HIPK2: variants seen among roughly 807,000 people sequenced by gnomAD.
HIPK2 encodes the protein homeodomain-interacting protein kinase 2.
Under a neutral mutation model 113.7 loss-of-function variants are expected in HIPK2, and 27 were observed. The ratio of observed to expected loss-of-function variants is 0.24; its 90% CI spans 0.17 to 0.33. The LOEUF (loss-of-function observed/expected upper bound fraction) is 0.33, where lower values mean the gene tolerates loss of function less well. Among genes scored for constraint, HIPK2 ranks in the 10% least tolerant of loss-of-function variants. The probability of loss-of-function intolerance (pLI) is 1.00; values close to 1 mark genes in which losing one functional copy is unlikely to be tolerated. For synonymous variants in HIPK2, 631 were observed against 642.2 expected, an observed-to-expected ratio of 0.98 and a Z score of 0.26; for missense variants, 1,257 against 1,588.0, an observed-to-expected ratio of 0.79 and a Z score of 3.54.
chr7:139,754,247 G>T (rs952377571), intron 1 of HIPK2, among the ~76,000 whole-genome samples: 1 of 152,186 alleles, frequency 6.6e-6, no homozygotes, highest in Non-Finnish European at 1.5e-5. Context: ...CATAAATATC[G>T]TATCTAAGTC....
chr7:139,725,107 A>G (rs1795533720), intron 1 of HIPK2, among the ~76,000 whole-genome samples: 1 of 152,240 alleles, frequency 6.6e-6, no homozygotes, highest in Non-Finnish European at 1.5e-5. Flanking sequence ...AGGAAACACA[A>G]AGACATCTAA....
At chr7:139,580,577 CT>C (rs1334393810) in intron 13 of HIPK2, among the ~76,000 whole-genome samples, 1 of 152,240 alleles carries the variant, frequency 6.6e-6, no homozygotes, top group East Asian at 1.9e-4. Flanking sequence ...TCTCCGTGAT[CT>C]CCTGTCCTGA....
chr7:139,734,933 C>T (rs1795895738), intron 1 of HIPK2, among the ~76,000 whole-genome samples: 1 of 152,090 alleles, frequency 6.6e-6, no homozygotes, highest in Admixed American at 6.5e-5. Flanking sequence ...TTTGACAAGC[C>T]GTATGATTTG....
At chr7:139,766,998 T>A (rs1368636283) in intron 1 of HIPK2, among the ~76,000 whole-genome samples, 1 of 152,204 alleles carries the variant, frequency 6.6e-6, no homozygotes, top group Non-Finnish European at 1.5e-5. Context: ...TGGATCTGCA[T>A]GTGCCTATGG....
rs1483677952 is a variant in HIPK2, at chr7:139,613,593, G to A, written c.1991-270C>T. ...GGCCAAAAGTAGGACAGATATGCTC[G>A]CAGATTACAACAGGAAAACAAGGGC... On this transcript the variant is annotated intron_variant, in intron 8 of 14. Coordinates refer to ENST00000406875, the MANE Select transcript of HIPK2 (RefSeq NM_022740.5). This position sits in a 1 kb window ranked among gnomAD's most constrained non-coding sequence, Gnocchi z 4.2. Among the ~76,000 whole-genome samples the A allele has an allele frequency of 6.6e-6, 1 of 152,196 alleles. No homozygotes were observed. Among genetic ancestry groups the A allele is most frequent in the Admixed American group, 6.5e-5 (1 of 15,288 alleles).
At chr7:139,618,876 A>C (rs1202503632) in intron 7 of HIPK2, among the ~76,000 whole-genome samples, 1 of 152,212 alleles carries the variant, frequency 6.6e-6, no homozygotes, top group African/African-American at 2.4e-5. Context: ...CAGGTGCCTC[A>C]TGAGGGCTGG....
intron 2 of HIPK2, among the ~76,000 whole-genome samples, chr7:139,636,254 T>C (rs547371465): frequency 4.7e-4 from 72 of 152,052 alleles, no homozygotes; most frequent in Non-Finnish European, 9.3e-4. Flanking sequence ...TCTCTGCTTG[T>C]GGCTTGCCCA....
In HIPK2 at chr7:139,717,034, G is replaced by T; in HGVS notation, c.20-19C>A. ...GCCATACCTACAAGGAAAGGAAAAC[G>T]AAAAGTAAGTATCGGAGTCACCTTG... On this transcript the variant is annotated intron_variant, in intron 1 of 14. Transcript: ENST00000406875. 6.3e-7 allele frequency: 1 copy of T among 1,596,698 alleles called. No homozygotes were observed. Among genetic ancestry groups the T allele is most frequent in the South Asian group, 1.1e-5 (1 of 89,232 alleles).
At chr7:139,636,574 T>C (rs763982366) in intron 2 of HIPK2, among the ~76,000 whole-genome samples, 3 of 151,836 alleles carry the variant, frequency 2.0e-5, no homozygotes, top group African/African-American at 4.8e-5. Flanking sequence ...AAGATGGTCA[T>C]GTGAAAAGGG....
chr7:139,590,971 A>T (rs1266236065), intron 12 of HIPK2, among the ~76,000 whole-genome samples: 1 of 152,152 alleles, frequency 6.6e-6, no homozygotes, highest in Non-Finnish European at 1.5e-5. Flanking sequence ...CAGCTTCCCA[A>T]GTAGCTGGGA....
intron 12 of HIPK2, among the ~76,000 whole-genome samples, chr7:139,591,176 TTATGTC>T (rs1799007544): frequency 6.6e-6 from 1 of 152,212 alleles, no homozygotes; most frequent in South Asian, 2.1e-4. Flanking sequence ...ATCTGCATAT[TTATGTC>T]TATGTCTATG....
chr7:139,583,328 T>C (rs1055293166), intron 13 of HIPK2, among the ~76,000 whole-genome samples: 1 of 152,168 alleles, frequency 6.6e-6, no homozygotes, highest in Non-Finnish European at 1.5e-5. Flanking sequence ...GAAACACACA[T>C]GGCTTGGTCT....
At chr7:139,725,731 A>G (rs550142004) in intron 1 of HIPK2, among the ~76,000 whole-genome samples, 4 of 152,312 alleles carry the variant, frequency 2.6e-5, no homozygotes, top group South Asian at 2.1e-4. Context: ...TTTGCTCTCT[A>G]TATGTCAGAC....
chr7:139,631,328 T>C lies in HIPK2; in HGVS notation c.1228-44A>G. ...ATGAGGTCAGGGCTTTTCCTGTCAC[T>C]ATACATATGGTATACTAATGGCTCT... On this transcript the variant is annotated intron_variant, in intron 3 of 14. Coordinates refer to ENST00000406875, the MANE Select transcript of HIPK2 (RefSeq NM_022740.5). The surrounding 1 kb of genome is among the most constrained non-coding windows in gnomAD (Gnocchi z 4.9). The C allele has an allele frequency of 6.3e-7, 1 of 1,575,352 alleles. No individual in the cohort carries two copies. The highest frequency in any genetic ancestry group is 8.6e-7 in the Non-Finnish European group (1 of 1,159,348).
chr7:139,618,385 A>G (rs1329594429), intron 7 of HIPK2, among the ~76,000 whole-genome samples: 1 of 152,074 alleles, frequency 6.6e-6, no homozygotes, highest in African/African-American at 2.4e-5. Flanking sequence ...CCAATGCAAG[A>G]GAACAGAAAT....
intron 1 of HIPK2, among the ~76,000 whole-genome samples, chr7:139,748,186 C>T (rs555933834): frequency 1.1e-4 from 17 of 152,302 alleles, no homozygotes; most frequent in Admixed American, 6.5e-4. Flanking sequence ...GCTGGTCTGC[C>T]CATCTGAGCC....
At chr7:139,648,314 A>ATCTTCCC (rs1461321648) in intron 2 of HIPK2, among the ~76,000 whole-genome samples, 1 of 152,150 alleles carries the variant, frequency 6.6e-6, no homozygotes, top group Non-Finnish European at 1.5e-5. Flanking sequence ...TCAAACAGAA[A>ATCTTCCC]TCTTCCCTCT....
intron 14 of HIPK2, among the ~76,000 whole-genome samples, chr7:139,574,589 G>A (rs1288927069): frequency 6.6e-6 from 1 of 152,154 alleles, no homozygotes; most frequent in Non-Finnish European, 1.5e-5. Flanking sequence ...AGTCCACCAC[G>A]TGAGTCAGGC....
chr7:139,680,866 T>A (rs1430910808), intron 2 of HIPK2, among the ~76,000 whole-genome samples: 1 of 152,186 alleles, frequency 6.6e-6, no homozygotes, highest in Non-Finnish European at 1.5e-5. Flanking sequence ...AGGGCTGCCA[T>A]CAGTCAGCCC....
Sources: allele counts gnomAD v4.1 joint callset (sites outside exome capture counted in the v4.1 genomes callset), GRCh38; gene constraint gnomAD v4.1.1; non-coding constraint Gnocchi (gnomAD v3.1); transcripts MANE v1.5; gene names NCBI Gene and HGNC (gene_info 2026-07-23, HGNC 2026-07-21).